The following EXOC2 variants were observed in gnomAD, a reference collection of about 807,000 sequenced individuals.
The protein encoded by EXOC2 is exocyst complex component 2, also known as SEC5-like 1.
EXOC2 carries 70 observed loss-of-function variants against 131.8 expected under a neutral mutation model. That is an observed-to-expected ratio of 0.53 (90% CI 0.44 to 0.65). The LOEUF is 0.65. EXOC2 is among the 30% of genes least tolerant of loss of function. EXOC2 has a pLI of 0.00. For missense variants in EXOC2, 923 were observed against 1,108.6 expected, an observed-to-expected ratio of 0.83 and a Z score of 2.38; for synonymous variants, 411 against 398.4, an observed-to-expected ratio of 1.03 and a Z score of -0.38.
chr6:571,121 C>A (rs573828886), intron 13 of EXOC2, among the ~76,000 whole-genome samples: 2 of 152,186 alleles, frequency 1.3e-5, no homozygotes, highest in East Asian at 3.8e-4. Context: ...TGTAGACCTG[C>A]GAAACCTGAC....
chr6:576,289 C>A (rs1287167450), intron 12 of EXOC2, among the ~76,000 whole-genome samples: 1 of 152,128 alleles, frequency 6.6e-6, no homozygotes, highest in Non-Finnish European at 1.5e-5. Flanking sequence ...ATGCAACATA[C>A]TTAAAATTTT....
chr6:562,746 A>C, intron 17 of EXOC2, 38 bp downstream of exon 17: 14 of 1,381,364 alleles, frequency 1.0e-5, no homozygotes, highest in Non-Finnish European at 1.4e-5. Flanking sequence ...TTTTAAATAC[A>C]CACTAATGAC....
At chr6:495,769 C>T (rs952708397) in intron 25 of EXOC2, among the ~76,000 whole-genome samples, 3 of 152,172 alleles carry the variant, frequency 2.0e-5, no homozygotes, top group African/African-American at 7.2e-5. Flanking sequence ...TTTCATTTCC[C>T]TGCTAACTAA....
intron 25 of EXOC2, among the ~76,000 whole-genome samples, chr6:492,971 G>C (rs948134546): frequency 1.3e-5 from 2 of 152,196 alleles, no homozygotes; most frequent in Non-Finnish European, 2.9e-5. Context: ...GCATGAATAA[G>C]TGTGATCTGA....
chr6:490,995 CAT>C, intron 26 of EXOC2, 128 bp downstream of exon 26: 1 of 954,898 alleles, frequency 1.0e-6, no homozygotes, highest in Non-Finnish European at 1.6e-6. Flanking sequence ...GTGGCCTTGA[CAT>C]AAACTTTATC....
At chr6:584,542 T>A (rs2127613731) in intron 11 of EXOC2, among the ~76,000 whole-genome samples, 1 of 152,312 alleles carries the variant, frequency 6.6e-6, no homozygotes, top group South Asian at 2.1e-4. Flanking sequence ...CAGAAATTAT[T>A]AAAAGGGTAG....
At position 521,990 on chromosome 6, in the gene EXOC2, G is replaced by A. The variant is rs190530077; in HGVS notation, c.2380+10479C>T. ...TATAAAAAACCCAAGGGTAAATTTC[G>A]TATTTTATTGATGTTCATTTTCACC... On this transcript the variant is annotated intron_variant, in intron 23 of 27. Transcript: ENST00000230449. Among the ~76,000 whole-genome samples the A allele has an allele frequency of 5.8e-4, 88 of 152,242 alleles. 1 individual carries two copies. The highest frequency in any genetic ancestry group is 4.8e-3 in the Admixed American group (73 of 15,296).
chr6:514,178 T>A (rs572054997), intron 23 of EXOC2, among the ~76,000 whole-genome samples: 19 of 152,304 alleles, frequency 1.2e-4, no homozygotes, highest in African/African-American at 2.6e-4. Context: ...AAGTAACCCT[T>A]TTACTGTGGT....
chr6:659,941 G>A (rs1163383007), intron 1 of EXOC2, among the ~76,000 whole-genome samples: 2 of 151,540 alleles, frequency 1.3e-5, no homozygotes, highest in East Asian at 3.9e-4. Context: ...GTTCGCAGCT[G>A]GGAGGCAGGT....
Position 576,795 on chromosome 6 carries a change from A to G in EXOC2, c.1280T>C (p.Leu427Pro). 1 of 1,614,192 alleles carries G rather than the reference A, an allele frequency of 6.2e-7. No homozygotes were observed. Among genetic ancestry groups the G allele is most frequent in the Non-Finnish European group, 8.5e-7 (1 of 1,180,028 alleles). Residue 427 changes from leucine to proline, a missense_variant, in exon 12 of 28, where the codon CTG (leucine) becomes CCG (proline). Transcript: ENST00000230449. ...AGACTGAAAGCTGCTGCCCCTCTTC[A>G]GGGACGCTGTCTGACTGAGATGGCC... is the stretch of plus-strand genomic sequence containing the variant. ...VLGHLSQTAS[L>P]KRGSSFQSGR...
At chr6:623,825 G>A (rs531956625) in intron 4 of EXOC2, among the ~76,000 whole-genome samples, 1 of 152,300 alleles carries the variant, frequency 6.6e-6, no homozygotes, top group Non-Finnish European at 1.5e-5. Flanking sequence ...TTCAAGAAGG[G>A]AAACCAAGAA....
chr6:552,638 AC>A (rs1027746322), intron 21 of EXOC2, among the ~76,000 whole-genome samples: 1 of 142,496 alleles, frequency 7.0e-6, no homozygotes, highest in Non-Finnish European at 1.6e-5. Context: ...ACAAAAAAAA[AC>A]CCAGGTTCTC....
chr6:684,429 T>C (rs1764551481), intron 1 of EXOC2, among the ~76,000 whole-genome samples: 1 of 152,120 alleles, frequency 6.6e-6, no homozygotes, highest in Admixed American at 6.5e-5. Context: ...CCATCACAGG[T>C]CAAAAGAGAA....
intron 1 of EXOC2, among the ~76,000 whole-genome samples, chr6:673,421 C>A (rs1259473039): frequency 6.6e-6 from 1 of 152,098 alleles, no homozygotes; most frequent in Admixed American, 6.5e-5. Flanking sequence ...TATGAAACTG[C>A]AGCAGTGTAT....
intron 22 of EXOC2, among the ~76,000 whole-genome samples, chr6:542,340 C>T (rs1756603879): frequency 6.6e-6 from 1 of 152,184 alleles, no homozygotes; most frequent in African/African-American, 2.4e-5. Context: ...CTCCATTAAA[C>T]TAATCATAAT....
At chr6:627,726 T>A (rs901260840) in intron 4 of EXOC2, among the ~76,000 whole-genome samples, 1 of 152,246 alleles carries the variant, frequency 6.6e-6, no homozygotes, top group Non-Finnish European at 1.5e-5. Flanking sequence ...GGTTCTTTCC[T>A]TAATTATGAG....
At chr6:652,976 T>C (rs1269731300) in intron 1 of EXOC2, among the ~76,000 whole-genome samples, 1 of 152,238 alleles carries the variant, frequency 6.6e-6, no homozygotes, top group Non-Finnish European at 1.5e-5. Context: ...CTCAAACTTA[T>C]TCATTATCAT....
chr6:591,371 C>T (rs1363974204), intron 11 of EXOC2, among the ~76,000 whole-genome samples: 2 of 152,188 alleles, frequency 1.3e-5, no homozygotes, highest in African/African-American at 2.4e-5. Context: ...TCCACCTCCA[C>T]GATCTAAGCT....
chr6:680,890 G>A (rs1447003199), intron 1 of EXOC2, among the ~76,000 whole-genome samples: 2 of 152,198 alleles, frequency 1.3e-5, no homozygotes, highest in Admixed American at 6.5e-5. Flanking sequence ...TCCAGTGCCA[G>A]ACACTCAGTG....
Sources: allele counts gnomAD v4.1 joint callset (sites outside exome capture counted in the v4.1 genomes callset), GRCh38; gene constraint gnomAD v4.1.1; transcripts MANE v1.5; gene names NCBI Gene and HGNC (gene_info 2026-07-23, HGNC 2026-07-21).